Variants in OR3A2 observed in about 807,000 individuals in gnomAD.
The protein encoded by OR3A2 is olfactory receptor family 3 subfamily A member 2.
For synonymous variants in OR3A2, 126 were observed against 159.3 expected (o/e 0.79, Z 1.57); for missense variants, 318 against 392.8 (o/e 0.81, Z 1.61).
chr17:3,369,298 C>T (rs1177917346), intron 2 of OR3A2, among the ~76,000 whole-genome samples: 2 of 152,170 alleles, frequency 1.3e-5, no homozygotes, highest in African/African-American at 2.4e-5. Context: ...TGAAAGTGGG[C>T]ATCCTTGTCT....
chr17:3,307,493 CTTAA>C (rs1409552832), intron 3 of OR3A2, among the ~76,000 whole-genome samples: 1 of 152,184 alleles, frequency 6.6e-6, no homozygotes, highest in Non-Finnish European at 1.5e-5. Flanking sequence ...AGTGAGAATG[CTTAA>C]TTAATGAACA....
chr17:3,321,897 A>G (rs1036793537), intron 3 of OR3A2, among the ~76,000 whole-genome samples: 1 of 152,154 alleles, frequency 6.6e-6, no homozygotes, highest in Non-Finnish European at 1.5e-5. Flanking sequence ...GGCCTCATCA[A>G]ATGAATTAGG....
intron 3 of OR3A2, among the ~76,000 whole-genome samples, chr17:3,330,755 A>G (rs2049224802): frequency 6.6e-6 from 1 of 151,432 alleles, no homozygotes; most frequent in Admixed American, 6.6e-5. Flanking sequence ...TCCTGTCATT[A>G]TGATGTTAGC....
intron 3 of OR3A2, among the ~76,000 whole-genome samples, chr17:3,301,456 T>C (rs1299164983): frequency 6.6e-6 from 1 of 152,208 alleles, no homozygotes; most frequent in Non-Finnish European, 1.5e-5. Flanking sequence ...TGATGAGCAT[T>C]TTTTCATGTG....
intron 3 of OR3A2, among the ~76,000 whole-genome samples, chr17:3,330,259 G>C (rs2049218513): frequency 1.3e-5 from 2 of 151,218 alleles, no homozygotes; most frequent in Non-Finnish European, 2.9e-5. Flanking sequence ...TCAATTCCTG[G>C]GTATCCTTGT....
intron 3 of OR3A2, among the ~76,000 whole-genome samples, chr17:3,322,513 C>G (rs144395330): frequency 0.14 from 20,805 of 152,136 alleles, 1,764 homozygotes; most frequent in African/African-American, 0.23. Context: ...GCATTTAGTG[C>G]TATAAACTTC....
At chr17:3,372,892 A>AG in intron 2 of OR3A2, among the ~76,000 whole-genome samples, 1 of 146,054 alleles carries the variant, frequency 6.8e-6, no homozygotes, top group Non-Finnish European at 1.5e-5. Context: ...AGGGAGAGGG[A>AG]GAGGGAGAGG....
At chr17:3,364,805 A>C (rs1197672944) in intron 2 of OR3A2, among the ~76,000 whole-genome samples, 1 of 152,204 alleles carries the variant, frequency 6.6e-6, no homozygotes, top group Non-Finnish European at 1.5e-5. Flanking sequence ...TGTTCATTGT[A>C]GCATTATTCA....
intron 2 of OR3A2, among the ~76,000 whole-genome samples, chr17:3,360,689 G>T (rs1015617125): frequency 1.3e-5 from 2 of 151,646 alleles, no homozygotes; most frequent in Non-Finnish European, 2.9e-5. Flanking sequence ...TTTCCCCATT[G>T]CTTGTTTTTC....
At chr17:3,364,310 T>G (rs1051274619) in intron 2 of OR3A2, among the ~76,000 whole-genome samples, 1 of 152,238 alleles carries the variant, frequency 6.6e-6, no homozygotes, top group Non-Finnish European at 1.5e-5. Flanking sequence ...TCAGGCTAGT[T>G]AGCATATCTC....
chr17:3,348,095 TG>T (rs2049384410), intron 2 of OR3A2, among the ~76,000 whole-genome samples: 1 of 152,292 alleles, frequency 6.6e-6, no homozygotes, highest in African/African-American at 2.4e-5. Context: ...TGGGGTTGTT[TG>T]TTTTTTTCTT....
chr17:3,380,142 C>A (rs1282321497), intron 2 of OR3A2, among the ~76,000 whole-genome samples: 7 of 152,204 alleles, frequency 4.6e-5, no homozygotes, highest in African/African-American at 1.7e-4. Context: ...TCCCCCTTTG[C>A]CTGAAGCAGA....
chr17:3,355,428 T>TTC (rs3037631), intron 2 of OR3A2, among the ~76,000 whole-genome samples: 2,248 of 139,600 alleles, frequency 0.016, 43 homozygotes, highest in African/African-American at 0.026. Flanking sequence ...ATGTTGGCAT[T>TTC]TCTCTCTCTC....
At chr17:3,314,374 A>G (rs2049064935) in intron 3 of OR3A2, among the ~76,000 whole-genome samples, 1 of 152,224 alleles carries the variant, frequency 6.6e-6, no homozygotes, top group African/African-American at 2.4e-5. Flanking sequence ...GCAAATATAA[A>G]TAATTCATGT....
At chr17:3,365,577 T>C (rs942033409) in intron 2 of OR3A2, among the ~76,000 whole-genome samples, 2 of 152,182 alleles carry the variant, frequency 1.3e-5, no homozygotes, top group Non-Finnish European at 2.9e-5. Flanking sequence ...TGTGCTCATA[T>C]GGTCACAGTG....
intron 2 of OR3A2, among the ~76,000 whole-genome samples, chr17:3,343,793 C>T (rs184296069): frequency 1.9e-4 from 29 of 152,204 alleles, no homozygotes; most frequent in African/African-American, 7.0e-4. Context: ...TAGTTTTCAT[C>T]CAGCCTCCAC....
At chr17:3,361,524 C>T (rs1208105239) in intron 2 of OR3A2, among the ~76,000 whole-genome samples, 5 of 151,618 alleles carry the variant, frequency 3.3e-5, no homozygotes, top group Admixed American at 3.3e-4. Flanking sequence ...CAGATTTTTG[C>T]CCATTCAGTA....
intron 2 of OR3A2, among the ~76,000 whole-genome samples, chr17:3,352,953 G>C (rs2049432316): frequency 6.6e-6 from 1 of 151,686 alleles, no homozygotes; most frequent in African/African-American, 2.4e-5. Context: ...TCATTGTAGA[G>C]ATCTTTTTCT....
intron 2 of OR3A2, among the ~76,000 whole-genome samples, chr17:3,362,832 C>T (rs547388437): frequency 1.2e-4 from 18 of 151,860 alleles, no homozygotes; most frequent in African/African-American, 4.1e-4. Flanking sequence ...GGTTCCCAAA[C>T]CTCAACTCTT....
Sources: gnomAD v4.1 joint callset for allele counts (sites outside exome capture counted in the v4.1 genomes callset) on GRCh38, gnomAD v4.1.1 for gene constraint, MANE v1.5 for transcripts, NCBI Gene and HGNC (gene_info 2026-07-23, HGNC 2026-07-21) for gene names.